Variants in SYNM observed in about 807,000 individuals in gnomAD.
SYNM encodes desmuslin.
A neutral mutation model predicts 104.0 loss-of-function variants in SYNM; 95 were observed. The ratio of observed to expected loss-of-function variants is 0.91; its 90% CI spans 0.77 to 1.08. SYNM has a LOEUF of 1.08. Ranked by LOEUF, SYNM falls within the 50% of genes least tolerant of loss-of-function variation. The probability of loss-of-function intolerance (pLI) is 0.00; values close to 1 mark genes in which losing one functional copy is unlikely to be tolerated. For missense variants in SYNM, 2,150 were observed against 2,052.2 expected (o/e 1.05, Z -0.92); for synonymous variants, 918 against 869.0 (o/e 1.06, Z -0.99).
chr15:99,132,409 A>T lies in SYNM; in HGVS notation c.4049A>T (p.Asp1350Val), dbSNP rs782441540. The T allele has an allele frequency of 6.2e-7, 1 of 1,613,978 alleles. No homozygotes were observed. Among genetic ancestry groups the T allele is most frequent in the Admixed American group, 1.7e-5 (1 of 60,026 alleles). ...ACTGTGCACGGAGAGGGCTCAGCAG[A>T]TGTGCACCAGGCCACTCACAGTCAT... ...ESTVHGEGSA[D>V]VHQATHSHTS... Residue 1350 changes from aspartate to valine, a missense_variant, in exon 4 of 4, where the codon GAT (aspartate) becomes GTT (valine). Physicochemically the swap from Asp to Val is radical, Grantham distance 152 (BLOSUM62 -3). Coordinates refer to ENST00000336292, the MANE Select transcript of SYNM (RefSeq NM_145728.3).
chr15:99,109,900 A>G (rs566507013), intron 1 of SYNM, among the ~76,000 whole-genome samples: 10 of 152,156 alleles, frequency 6.6e-5, no homozygotes, highest in Admixed American at 6.5e-4. Context: ...ATTTACTTTG[A>G]GTGCCATGGG....
intron 2 of SYNM, among the ~76,000 whole-genome samples, chr15:99,115,325 C>G (rs567867701): frequency 6.6e-6 from 1 of 152,184 alleles, no homozygotes; most frequent in South Asian, 2.1e-4. Context: ...GACCAACTCC[C>G]CTGGTGAGGG....
chr15:99,131,162 C>T lies in SYNM; in HGVS notation c.2802C>T (p.His934=), dbSNP rs782506906. The T allele has an allele frequency of 1.9e-5, 30 of 1,604,534 alleles. No homozygotes were observed. The South Asian group carries it at 3.0e-4, about 16-fold the overall frequency. ...AAATTAAAATACCCCACGAATTCCA[C>T]ACCTCCATGAAGGGCATCTCCTCCA... is the stretch of plus-strand genomic sequence containing the variant. The part of the protein sequence containing the change: ...EKEIKIPHEF[H]TSMKGISSKE... Residue 934 remains histidine (H), a synonymous_variant, in exon 4 of 4, where the codon CAC becomes CAT. Transcript: ENST00000336292. This position sits in a 1 kb window ranked among gnomAD's most constrained non-coding sequence, Gnocchi z 4.3.
At chr15:99,120,174 T>G (rs1281144044) in intron 2 of SYNM, among the ~76,000 whole-genome samples, 1 of 152,200 alleles carries the variant, frequency 6.6e-6, no homozygotes, top group East Asian at 1.9e-4. Context: ...CCCAAGGCTG[T>G]TCCCTCCATG....
chr15:99,113,298 C>T (rs1670250), intron 1 of SYNM, among the ~76,000 whole-genome samples: 10,357 of 152,170 alleles, frequency 0.068, 1,193 homozygotes, highest in African/African-American at 0.24. Flanking sequence ...GATGTCTAAA[C>T]GGTAGAGATG....
chr15:99,123,637 C>T (rs1258786127), intron 2 of SYNM, among the ~76,000 whole-genome samples: 3 of 152,216 alleles, frequency 2.0e-5, no homozygotes, highest in Admixed American at 6.5e-5. Flanking sequence ...GGCGGCTCTG[C>T]GGCTCCTTCT....
At position 99,132,426 on chromosome 15, in the gene SYNM, C is replaced by CA. The variant is rs782022573; in HGVS notation, c.4067dup (p.His1356GlnfsTer7). ...CTCAGCAGATGTGCACCAGGCCACT[C>CA]ACAGTCATACCTCGGGTAGACAAAC... is the stretch of plus-strand genomic sequence containing the variant. On this transcript the variant is annotated frameshift_variant, in exon 4 of 4. Coordinates refer to ENST00000336292, the MANE Select transcript of SYNM (RefSeq NM_145728.3). LOFTEE classifies it high-confidence loss of function. 195 of 1,613,900 alleles carry CA rather than the reference C, an allele frequency of 1.2e-4. No individual in the cohort carries two copies. The highest frequency in any genetic ancestry group is 1.6e-4 in the Non-Finnish European group (191 of 1,179,902).
intron 2 of SYNM, among the ~76,000 whole-genome samples, chr15:99,115,568 A>G (rs1250851712): frequency 1.3e-5 from 2 of 149,616 alleles, no homozygotes; most frequent in Non-Finnish European, 3.0e-5. Context: ...GGGTTCAAGC[A>G]ATTCTGTTTC....
chr15:99,117,331 G>A (rs1162736588), intron 2 of SYNM, among the ~76,000 whole-genome samples: 1 of 152,112 alleles, frequency 6.6e-6, no homozygotes, highest in Non-Finnish European at 1.5e-5. Flanking sequence ...ATCTCTGCTG[G>A]GTCATGTTCC....
chr15:99,112,072 G>A (rs1162513446), intron 1 of SYNM, among the ~76,000 whole-genome samples: 1 of 152,136 alleles, frequency 6.6e-6, no homozygotes, highest in Admixed American at 6.5e-5. Context: ...CAACCAAAAA[G>A]ATAAATTCCA....
chr15:99,137,106 CT>C (rs1157177046), downstream of SYNM: 2 of 152,478 alleles, frequency 1.3e-5, no homozygotes, highest in East Asian at 3.9e-4. Context: ...ACCTGCACCC[CT>C]ACCCCTGGGT....
downstream of SYNM, chr15:99,136,515 G>GTC (rs1380729266): frequency 6.6e-6 from 1 of 152,232 alleles, no homozygotes. Context: ...GCAGACGGCT[G>GTC]TCTTCTCACT....
rs781940498 is a variant in SYNM, at chr15:99,131,641, C to T, written c.3281C>T (p.Thr1094Ile). The part of the protein sequence containing the change: ...GGASHSSGQR[T>I]PQGPVSATVE... ...GCCTCTCACAGCTCGGGACAGCGCA[C>T]TCCCCAGGGCCCAGTGTCGGCCACT... The change falls in exon 4 of 4, where the codon ACT (threonine) becomes ATT (isoleucine). Residue 1094 changes from threonine to isoleucine, a missense_variant. Physicochemically the swap from Thr to Ile is moderately conservative, Grantham distance 89 (BLOSUM62 -1). Coordinates refer to ENST00000336292, the MANE Select transcript of SYNM (RefSeq NM_145728.3). The surrounding 1 kb of genome is among the most constrained non-coding windows in gnomAD (Gnocchi z 4.3). 1.9e-6 allele frequency: 3 copies of T among 1,611,380 alleles called. No homozygotes were observed. The South Asian group carries it at 3.3e-5, about 18-fold the overall frequency.
At position 99,134,597 on chromosome 15, in the gene SYNM, G is replaced by T. The variant is rs1221555297; in HGVS notation, c.*1539G>T. On this transcript the variant is annotated 3_prime_UTR_variant, in exon 4 of 4. Coordinates refer to ENST00000336292, the MANE Select transcript of SYNM (RefSeq NM_145728.3). ...ACAGTCTGAGCTAGCACCACCCTCA[G>T]CCAGGCTACAACGACAGCACTGGAG... 2.0e-5 allele frequency: 3 copies of T among 152,178 alleles called. No homozygotes were observed. Among genetic ancestry groups the T allele is most frequent in the Admixed American group, 6.5e-5 (1 of 15,276 alleles). 9.4% of individuals were successfully genotyped at this position (152,178 alleles called of 1,614,324 possible). A position where few individuals can be genotyped will look rare whatever the true frequency, so the allele number is the denominator to read the frequency against.
Position 99,133,528 on chromosome 15 carries a change from CA to C in SYNM, c.*475del, listed in dbSNP as rs1567286500. On this transcript the variant is annotated 3_prime_UTR_variant, in exon 4 of 4. Transcript: ENST00000336292. ...CAATTTAGACTCTAAAAAGTCTTTT[CA>C]AAAAGAAATGGGAAATAGGCAGACT... is the stretch of plus-strand genomic sequence containing the variant. 4 of 159,912 alleles carry C rather than the reference CA, an allele frequency of 2.5e-5. No homozygotes were observed. Among genetic ancestry groups the C allele is most frequent in the Admixed American group, 2.3e-4 (4 of 17,040 alleles). 9.9% of individuals were successfully genotyped at this position (159,912 alleles called of 1,614,324 possible).
At chr15:99,124,853 C>T (rs1481789212) in intron 2 of SYNM, among the ~76,000 whole-genome samples, 2 of 152,174 alleles carry the variant, frequency 1.3e-5, no homozygotes, top group African/African-American at 2.4e-5. Context: ...TGAGTGACCA[C>T]AATGCCTGGT....
At chr15:99,119,039 G>A (rs1341309562) in intron 2 of SYNM, among the ~76,000 whole-genome samples, 1 of 152,212 alleles carries the variant, frequency 6.6e-6, no homozygotes, top group Non-Finnish European at 1.5e-5. Context: ...GGGGCTCGAG[G>A]TACTGATCCA....
At chr15:99,119,850 G>T (rs1278474439) in intron 2 of SYNM, among the ~76,000 whole-genome samples, 1 of 152,198 alleles carries the variant, frequency 6.6e-6, no homozygotes, top group Non-Finnish European at 1.5e-5. Context: ...CTCCATTTGA[G>T]TTCTCCAGTG....
At chr15:99,106,124 G>T in intron 1 of SYNM, 115 bp downstream of exon 1, 1 of 1,162,318 alleles carries the variant, frequency 8.6e-7, no homozygotes, top group Non-Finnish European at 1.1e-6. Flanking sequence ...TCGCGGACCG[G>T]TAGGGCCCGC....
Sources: gnomAD v4.1 joint callset for allele counts (sites outside exome capture counted in the v4.1 genomes callset) on GRCh38, gnomAD v4.1.1 for gene constraint, Gnocchi (gnomAD v3.1) non-coding constraint, MANE v1.5 for transcripts, NCBI Gene and HGNC (gene_info 2026-07-23, HGNC 2026-07-21) for gene names.